DCC: variants seen among roughly 807,000 people sequenced by gnomAD.
DCC encodes DCC netrin 1 receptor, also known as netrin receptor DCC.
In DCC, 58 loss-of-function variants were observed where a neutral mutation model predicts 172.5. The observed-to-expected ratio is 0.34, with a 90% CI of 0.27 to 0.42. DCC has a LOEUF of 0.42. Among genes scored for constraint, DCC ranks in the 10% least tolerant of loss-of-function variants. The pLI, the probability that DCC is intolerant of heterozygous loss-of-function variation, is 1.00. For missense variants in DCC, 1,740 were observed against 1,791.0 expected, an observed-to-expected ratio of 0.97 and a Z score of 0.51; for synonymous variants, 709 against 644.5, an observed-to-expected ratio of 1.10 and a Z score of -1.52.
chr18:52,370,534 G>T (rs981086636), intron 1 of DCC, among the ~76,000 whole-genome samples: 4 of 152,046 alleles, frequency 2.6e-5, no homozygotes, highest in Non-Finnish European at 4.4e-5. Flanking sequence ...GGACACATTG[G>T]GGGGAACAAT....
At chr18:52,709,166 C>T (rs1288721043) in intron 1 of DCC, among the ~76,000 whole-genome samples, 2 of 152,088 alleles carry the variant, frequency 1.3e-5, no homozygotes, top group Non-Finnish European at 1.5e-5. Context: ...GGAGAGAAAA[C>T]TCATCCTCAG....
chr18:53,068,069 G>T (rs2042599391), intron 7 of DCC, among the ~76,000 whole-genome samples: 1 of 152,110 alleles, frequency 6.6e-6, no homozygotes, highest in Non-Finnish European at 1.5e-5. Context: ...ATTAAAAGGA[G>T]CAATTAACTC....
chr18:52,752,023 G>T, intron 1 of DCC, 31 bp from the exon 2 acceptor site: 2 of 1,583,188 alleles, frequency 1.3e-6, no homozygotes, highest in South Asian at 1.1e-5. Flanking sequence ...TTGAATACAT[G>T]AACATATTTC....
rs72918231 is a variant in DCC, at chr18:53,463,741, A to G, written c.3620-4153A>G. 2.7e-3 allele frequency among the ~76,000 whole-genome samples: 407 copies of G among 152,294 alleles called. 1 individual carries two copies. Among genetic ancestry groups the G allele is most frequent in the Non-Finnish European group, 4.3e-3 (294 of 67,996 alleles). ...CCAGGACCAAAAAAATCTGACCCCA[A>G]ATTAATGTTTTGTTGATCCAGTTTC... is the stretch of plus-strand genomic sequence containing the variant. On this transcript the variant is annotated intron_variant, in intron 24 of 28. Transcript: ENST00000442544.
At chr18:53,470,701 T>C (rs1016227453) in intron 25 of DCC, among the ~76,000 whole-genome samples, 2 of 152,058 alleles carry the variant, frequency 1.3e-5, no homozygotes, top group South Asian at 2.1e-4. Context: ...AGCAAGTACC[T>C]TCTTCACAAG....
At chr18:53,329,757 T>C (rs545458679) in intron 14 of DCC, among the ~76,000 whole-genome samples, 8 of 152,150 alleles carry the variant, frequency 5.3e-5, no homozygotes, top group African/African-American at 1.9e-4. Context: ...GAAATTTATA[T>C]GGAAGAATAA....
In DCC at chr18:52,848,135, GA is replaced by G. The variant is rs557120009; in HGVS notation, c.413-57908del. 4.2e-4 allele frequency among the ~76,000 whole-genome samples: 62 copies of G among 148,198 alleles called. 1 individual carries two copies. In the South Asian group the frequency reaches 0.013, roughly 31 times the overall value. On this transcript the variant is annotated intron_variant, in intron 2 of 28. Coordinates refer to ENST00000442544, the MANE Select transcript of DCC (RefSeq NM_005215.4). ...GATTCTCACTCTGTTGCCCAGGCTG[GA>G]GTGCAGTGGTGCAATCTCAGCTCAC...
At chr18:53,256,636 C>T (rs2056520958) in intron 12 of DCC, among the ~76,000 whole-genome samples, 1 of 152,154 alleles carries the variant, frequency 6.6e-6, no homozygotes, top group Non-Finnish European at 1.5e-5. Context: ...AGTTTGAAGT[C>T]AGGTAGCATG....
At chr18:52,543,892 C>G (rs997635845) in intron 1 of DCC, among the ~76,000 whole-genome samples, 2 of 152,200 alleles carry the variant, frequency 1.3e-5, no homozygotes. Flanking sequence ...TAGCTGCAAA[C>G]TGCAGTCTTC....
chr18:53,181,722 G>C (rs866874431), intron 9 of DCC, among the ~76,000 whole-genome samples: 43 of 152,118 alleles, frequency 2.8e-4, no homozygotes, highest in African/African-American at 1.0e-3. Flanking sequence ...AAGCATATGT[G>C]AGTAATAAAG....
At chr18:52,846,537 T>C (rs2038892682) in intron 2 of DCC, among the ~76,000 whole-genome samples, 1 of 148,248 alleles carries the variant, frequency 6.7e-6, no homozygotes, top group Non-Finnish European at 1.5e-5. Context: ...AGACCCTGTC[T>C]CAAAGAGAAA....
chr18:53,513,049 G>A (rs2046278576), intron 27 of DCC, among the ~76,000 whole-genome samples: 1 of 152,230 alleles, frequency 6.6e-6, no homozygotes, highest in South Asian at 2.1e-4. Context: ...AAATGTTAAG[G>A]GAAGCCAGAG....
chr18:53,086,442 TTCTTCTTCCTTTCTTCTTC>T lies in DCC; in HGVS notation c.1261+20278_1261+20296del, dbSNP rs1450438128. On this transcript the variant is annotated intron_variant, in intron 7 of 28. Coordinates refer to ENST00000442544, the MANE Select transcript of DCC (RefSeq NM_005215.4). The stretch of plus-strand genomic sequence containing the variant: ...TCTTCTTCTTCCTTTCTTCTTCTTC[TTCTTCTTCCTTTCTTCTTC>T]TTCTTCTTCTTCCTTTCTTCTTCTT... Among the ~76,000 whole-genome samples the T allele has an allele frequency of 4.3e-5, 2 of 47,024 alleles. 1 individual carries two copies. Among genetic ancestry groups the T allele is most frequent in the African/African-American group, 5.2e-4 (2 of 3,878 alleles). The allele number at this position is 47,024 out of a possible 152,430, so 30.8% of individuals were successfully genotyped here. A position where few individuals can be genotyped will look rare whatever the true frequency, so the allele number is the denominator to read the frequency against.
chr18:52,456,553 C>A (rs1430715884), intron 1 of DCC, among the ~76,000 whole-genome samples: 2 of 151,948 alleles, frequency 1.3e-5, no homozygotes, highest in South Asian at 2.1e-4. Context: ...CTATATCTAA[C>A]GATATTAAGG....
At chr18:52,344,021 A>G (rs1983773489) in intron 1 of DCC, among the ~76,000 whole-genome samples, 1 of 152,196 alleles carries the variant, frequency 6.6e-6, no homozygotes, top group Non-Finnish European at 1.5e-5. Context: ...CGGCCACCAC[A>G]TGTGTTATAT....
Position 53,429,015 on chromosome 18 carries a change from ATATATTTTT to A in DCC, c.3164-6123_3164-6115del, listed in dbSNP as rs1267158072. Among the ~76,000 whole-genome samples, 131 of 49,400 alleles carry A rather than the reference ATATATTTTT, an allele frequency of 2.7e-3. 8 individuals carry two copies. Among genetic ancestry groups the A allele is most frequent in the South Asian group, 7.5e-3 (12 of 1,610 alleles). The allele number at this position is 49,400 out of a possible 152,430, so 32.4% of individuals were successfully genotyped here. On this transcript the variant is annotated intron_variant, in intron 21 of 28. Coordinates refer to ENST00000442544, the MANE Select transcript of DCC (RefSeq NM_005215.4). ...ATATTTTTTATATAATATATATTTTATATATTTTTTATATAATATATATTTTATATATAA... is the reference window on the plus strand; with the variant it reads ...ATATTTTTTATATAATATATATTTTATATATAATATATATTTTATATATAA...
At chr18:53,524,708 A>G (rs2046435903) in intron 27 of DCC, among the ~76,000 whole-genome samples, 1 of 152,018 alleles carries the variant, frequency 6.6e-6, no homozygotes, top group Non-Finnish European at 1.5e-5. Flanking sequence ...CTTGAACTAG[A>G]TTTCATGTTC....
chr18:53,020,108 A>G (rs962613079), intron 5 of DCC, among the ~76,000 whole-genome samples: 17 of 152,134 alleles, frequency 1.1e-4, no homozygotes, highest in African/African-American at 3.4e-4. Context: ...CCCCAGGTCA[A>G]TTTCCCTTAC....
chr18:53,478,183 G>C (rs962241375), intron 25 of DCC, among the ~76,000 whole-genome samples: 4 of 152,146 alleles, frequency 2.6e-5, no homozygotes, highest in African/African-American at 7.2e-5. Flanking sequence ...TGTCCTTTAG[G>C]GTTGTCCTAA....
Sources: gnomAD v4.1 joint callset for allele counts (sites outside exome capture counted in the v4.1 genomes callset) on GRCh38, gnomAD v4.1.1 for gene constraint, MANE v1.5 for transcripts, NCBI Gene and HGNC (gene_info 2026-07-23, HGNC 2026-07-21) for gene names.